The following ATP11C variants were observed in gnomAD, a reference collection of about 807,000 sequenced individuals.
ATP11C encodes the protein phospholipid-transporting ATPase IG.
A neutral mutation model predicts 97.4 loss-of-function variants in ATP11C; 36 were observed. The ratio of observed to expected loss-of-function variants is 0.37; its 90% CI spans 0.28 to 0.49. ATP11C has a LOEUF of 0.49. Among genes scored for constraint, ATP11C ranks in the 20% least tolerant of loss-of-function variants. The probability of loss-of-function intolerance (pLI) is 0.98; values close to 1 mark genes in which losing one functional copy is unlikely to be tolerated. For missense variants in ATP11C, 730 were observed against 824.6 expected (o/e 0.89, Z 1.40); for synonymous variants, 275 against 290.9 (o/e 0.95, Z 0.56).
chrX:139,816,784 T>C (rs955139521), intron 4 of ATP11C, 79 bp downstream of exon 4: 10 of 630,319 alleles, frequency 1.6e-5, no homozygotes, highest in Non-Finnish European at 2.5e-5. Context: ...TGTATATAAA[T>C]ATGAAAAAGA....
chrX:139,868,833 A>G (rs1277886674), intron 1 of ATP11C, among the ~76,000 whole-genome samples: 1 of 112,165 alleles, frequency 8.9e-6, no homozygotes, highest in Non-Finnish European at 1.9e-5. Flanking sequence ...TTCTCCAAAA[A>G]AGACATACAA....
chrX:139,931,303 C>G (rs2085428848), intron 1 of ATP11C, among the ~76,000 whole-genome samples: 1 of 112,199 alleles, frequency 8.9e-6, no homozygotes, highest in Non-Finnish European at 1.9e-5. Context: ...CACAGTCCGC[C>G]TTCTCCCATG....
intron 1 of ATP11C, 152 bp from the exon 2 acceptor site, chrX:139,826,975 A>G (rs575719095): frequency 1.9e-6 from 1 of 519,137 alleles, no homozygotes; most frequent in Non-Finnish European, 3.0e-6. Context: ...TTCAAAATCC[A>G]TTAAGCTCTT....
At chrX:139,744,551 G>A (rs1569427651) in intron 25 of ATP11C, among the ~76,000 whole-genome samples, 1 of 112,026 alleles carries the variant, frequency 8.9e-6, no homozygotes, top group Non-Finnish European at 1.9e-5. Context: ...CTCCTTTTAA[G>A]CAGTAGCCAG....
At chrX:139,838,786 A>G (rs1452396725) in intron 1 of ATP11C, among the ~76,000 whole-genome samples, 1 of 111,760 alleles carries the variant, frequency 8.9e-6, no homozygotes, top group Non-Finnish European at 1.9e-5. Flanking sequence ...TGTCTCTACT[A>G]AAAATACAAA....
intron 1 of ATP11C, among the ~76,000 whole-genome samples, chrX:139,895,622 T>C (rs761128586): frequency 2.5e-4 from 28 of 111,592 alleles, no homozygotes; most frequent in African/African-American, 8.4e-4. Flanking sequence ...TGTCTAAACA[T>C]AGTGAGATAT....
In ATP11C at chrX:139,743,498, T is replaced by G; in HGVS notation, c.3030+61A>C. On this transcript the variant is annotated intron_variant, in intron 26 of 29. Transcript: ENST00000682941. ...GAGACAAAAAAATGGTATATTAGGA[T>G]AAGACAAGAAAGTATTATAAAAACA... is the stretch of plus-strand genomic sequence containing the variant. 5.1e-6 allele frequency: 4 copies of G among 781,444 alleles called. No homozygotes were observed. The South Asian group carries it at 8.1e-5, about 16-fold the overall frequency. The allele number at this position is 781,444 out of a possible 1,213,427, so 64.4% of individuals were successfully genotyped here. A position where few individuals can be genotyped will look rare whatever the true frequency, so the allele number is the denominator to read the frequency against.
At chrX:139,818,260 A>T (rs1202663350) in intron 3 of ATP11C, among the ~76,000 whole-genome samples, 1 of 112,272 alleles carries the variant, frequency 8.9e-6, no homozygotes. Context: ...TTAAGTGAAT[A>T]CATAACTGTT....
intron 1 of ATP11C, among the ~76,000 whole-genome samples, chrX:139,873,706 CAAA>C (rs58064711): frequency 1.2e-4 from 2 of 17,301 alleles, no homozygotes; most frequent in African/African-American, 1.6e-4. Context: ...GACTCCAACT[CAAA>C]AAAAAAAAAA....
At chrX:139,861,413 T>C (rs2084194012) in intron 1 of ATP11C, among the ~76,000 whole-genome samples, 1 of 112,034 alleles carries the variant, frequency 8.9e-6, no homozygotes, top group Non-Finnish European at 1.9e-5. Context: ...AGTGAATGAA[T>C]GTTGACATAG....
In ATP11C at chrX:139,832,369, C is replaced by G. The variant is rs764320405; in HGVS notation, c.28-5546G>C. ...CCATGGGAGGCAGCAAAGGAAGCATCAGATGACAGTCTATTCCTTAAGAGC... is the reference window on the plus strand; with the variant it reads ...CCATGGGAGGCAGCAAAGGAAGCATGAGATGACAGTCTATTCCTTAAGAGC... On this transcript the variant is annotated intron_variant, in intron 1 of 29. Transcript: ENST00000682941. 7 of 992,210 alleles carry G rather than the reference C, an allele frequency of 7.1e-6. No homozygotes were observed. The African/African-American group carries it at 9.7e-5, about 14-fold the overall frequency. The allele number at this position is 992,210 out of a possible 1,213,427, so 81.8% of individuals were successfully genotyped here. A position where few individuals can be genotyped will look rare whatever the true frequency, so the allele number is the denominator to read the frequency against.
chrX:139,798,136 TG>T, intron 10 of ATP11C, 136 bp downstream of exon 10: 1 of 515,913 alleles, frequency 1.9e-6, no homozygotes, highest in Non-Finnish European at 3.2e-6. Context: ...GCACAGTTTC[TG>T]GTACATAAAC....
chrX:139,806,223 A>G (rs1384824999), intron 5 of ATP11C, among the ~76,000 whole-genome samples: 1 of 111,525 alleles, frequency 9.0e-6, no homozygotes, highest in Admixed American at 9.6e-5. Flanking sequence ...AGCCTAAGGG[A>G]TTTAGGCCTC....
intron 8 of ATP11C, among the ~76,000 whole-genome samples, chrX:139,799,226 C>T (rs773437518): frequency 1.3e-4 from 15 of 111,318 alleles, no homozygotes; most frequent in Non-Finnish European, 2.1e-4. Context: ...GGAAAAGTTG[C>T]GGTAATTAAT....
intron 8 of ATP11C, among the ~76,000 whole-genome samples, chrX:139,799,850 C>T (rs187615460): frequency 1.8e-5 from 2 of 109,014 alleles, no homozygotes; most frequent in Admixed American, 2.0e-4. Context: ...TTGGGTTTCA[C>T]CCCGTTGGCC....
rs918937464 is a variant in ATP11C, at chrX:139,810,884, T to C, written c.426+3994A>G. Reference sequence around the variant, plus strand: ...AATTCAGAGTTTTTTTTTTTTTTTTTCAGACGCACTCACTGGGTTCTGACC... The same window carrying C: ...AATTCAGAGTTTTTTTTTTTTTTTTCCAGACGCACTCACTGGGTTCTGACC... On this transcript the variant is annotated intron_variant, in intron 5 of 29. Transcript: ENST00000682941. 3.7e-5 allele frequency among the ~76,000 whole-genome samples: 4 copies of C among 108,570 alleles called. No individual in the cohort carries two copies. The East Asian group carries it at 8.6e-4, about 23-fold the overall frequency. 94.3% of individuals were successfully genotyped at this position (108,570 alleles called of 115,157 possible). A position where few individuals can be genotyped will look rare whatever the true frequency, so the allele number is the denominator to read the frequency against.
In ATP11C at chrX:139,728,842, G is replaced by A. The variant is rs912723419; in HGVS notation, c.*124C>T. On this transcript the variant is annotated 3_prime_UTR_variant, in exon 30 of 30. Transcript: ENST00000682941. ...AGACATGAGAGTGGTTTAGTGTGTTGCGTATCAAGTATCCTGAGATGATAA... is the reference window on the plus strand; with the variant it reads ...AGACATGAGAGTGGTTTAGTGTGTTACGTATCAAGTATCCTGAGATGATAA... 4.4e-6 allele frequency: 4 copies of A among 904,464 alleles called. No individual in the cohort carries two copies. The highest frequency in any genetic ancestry group is 6.4e-6 in the Non-Finnish European group (4 of 625,204). The allele number at this position is 904,464 out of a possible 1,213,427, so 74.5% of individuals were successfully genotyped here. A position where few individuals can be genotyped will look rare whatever the true frequency, so the allele number is the denominator to read the frequency against.
At position 139,763,170 on chromosome X, in the gene ATP11C, G is replaced by A. The variant is rs760259695; in HGVS notation, c.2494+146C>T. 8.1e-4 allele frequency: 366 copies of A among 451,938 alleles called. 1 individual carries two copies. The highest frequency in any genetic ancestry group is 1.2e-3 in the Non-Finnish European group (309 of 261,331). The allele number at this position is 451,938 out of a possible 1,213,427, so 37.2% of individuals were successfully genotyped here. On this transcript the variant is annotated intron_variant, in intron 21 of 29. Coordinates refer to ENST00000682941, the MANE Select transcript of ATP11C (RefSeq NM_001353812.2). ...GGATGGACATGTTGCATGATCAGATGAGGCCTCCATTTAATTAACAATTAT... is the reference window on the plus strand; with the variant it reads ...GGATGGACATGTTGCATGATCAGATAAGGCCTCCATTTAATTAACAATTAT...
chrX:139,893,520 C>T (rs781426679), intron 1 of ATP11C, among the ~76,000 whole-genome samples: 209 of 111,914 alleles, frequency 1.9e-3, no homozygotes, highest in African/African-American at 6.3e-3. Context: ...ATATATGAAA[C>T]GTTTTGTGGG....
Sources: allele counts gnomAD v4.1 joint callset (sites outside exome capture counted in the v4.1 genomes callset), GRCh38; gene constraint gnomAD v4.1.1; transcripts MANE v1.5; gene names NCBI Gene and HGNC (gene_info 2026-07-23, HGNC 2026-07-21).